HRH1: variants seen among roughly 807,000 people sequenced by gnomAD.
The protein encoded by HRH1 is histamine H1 receptor.
HRH1 carries 6 observed loss-of-function variants against 10.3 expected under a neutral mutation model. That is an observed-to-expected ratio of 0.58 (90% CI 0.32 to 1.15). The LOEUF is 1.15. Among genes scored for constraint, HRH1 ranks in the 50% most tolerant of loss-of-function variants. HRH1 has a pLI of 0.05. For missense variants in HRH1, 514 were observed against 615.3 expected, an observed-to-expected ratio of 0.84 and a Z score of 1.74; for synonymous variants, 242 against 236.7, an observed-to-expected ratio of 1.02 and a Z score of -0.21.
upstream of HRH1, among the ~76,000 whole-genome samples, chr3:11,153,819 C>T (rs765737597): frequency 4.6e-5 from 7 of 152,090 alleles, no homozygotes; most frequent in East Asian, 3.9e-4. Context: ...AAAACACATC[C>T]TATTTTGAAA....
intron 1 of HRH1, among the ~76,000 whole-genome samples, chr3:11,180,677 G>A (rs1391647730): frequency 6.6e-6 from 1 of 152,048 alleles, no homozygotes; most frequent in Non-Finnish European, 1.5e-5. Context: ...GCCTGTTGTG[G>A]ACATTTCATA....
intron 1 of HRH1, among the ~76,000 whole-genome samples, chr3:11,149,390 A>C (rs1440120631): frequency 6.6e-6 from 1 of 152,256 alleles, no homozygotes; most frequent in East Asian, 1.9e-4. Context: ...ACACAGGAAG[A>C]GACTTTTGCT....
chr3:11,193,977 T>C (rs905623159), intron 1 of HRH1, among the ~76,000 whole-genome samples: 1 of 152,238 alleles, frequency 6.6e-6, no homozygotes, highest in African/African-American at 2.4e-5. Context: ...GTTTTCTGCT[T>C]TGCAGAGGAG....
At chr3:11,190,234 G>C (rs988035744) in intron 1 of HRH1, among the ~76,000 whole-genome samples, 1 of 151,792 alleles carries the variant, frequency 6.6e-6, no homozygotes, top group African/African-American at 2.4e-5. Flanking sequence ...TGACTAGTCC[G>C]GGTGTGGTGG....
intron 1 of HRH1, among the ~76,000 whole-genome samples, chr3:11,238,796 G>T (rs1380698432): frequency 6.6e-6 from 1 of 152,160 alleles, no homozygotes; most frequent in South Asian, 2.1e-4. Flanking sequence ...GTTGCCTTTT[G>T]TGTCTGGCTT....
intron 1 of HRH1, among the ~76,000 whole-genome samples, chr3:11,168,313 G>A (rs78501160): frequency 0.025 from 3,822 of 152,192 alleles, 72 homozygotes; most frequent in Middle Eastern, 0.082. Context: ...AGGAGGACTC[G>A]GCTCTTGTTC....
chr3:11,140,270 G>A (rs1005659684), intron 1 of HRH1, among the ~76,000 whole-genome samples: 3 of 152,034 alleles, frequency 2.0e-5, no homozygotes, highest in African/African-American at 4.8e-5. Context: ...ATGAAACCCC[G>A]CCCCTCCCCC....
intron 1 of HRH1, among the ~76,000 whole-genome samples, chr3:11,228,911 C>CAA (rs10710059): frequency 1.7e-5 from 2 of 115,572 alleles, no homozygotes; most frequent in African/African-American, 3.2e-5. Context: ...GAGAGTATGT[C>CAA]AAAAAAAAAA....
chr3:11,261,516 G>A lies in HRH1; in HGVS notation c.*1015G>A, dbSNP rs951279150. On this transcript the variant is annotated 3_prime_UTR_variant, in exon 2 of 2. Transcript: ENST00000431010. ...AGATCCTCTGGGGTTTCAGCTTATT[G>A]TAGCATATTTTCTCCGAAAGGCAAA... The A allele has an allele frequency of 1.8e-5, 3 of 167,044 alleles. No homozygotes were observed. The highest frequency in any genetic ancestry group is 7.2e-5 in the African/African-American group (3 of 41,422). The allele number at this position is 167,044 out of a possible 1,614,324, so 10.3% of individuals were successfully genotyped here.
At chr3:11,254,539 G>A (rs1161455519) in intron 1 of HRH1, among the ~76,000 whole-genome samples, 6 of 152,150 alleles carry the variant, frequency 3.9e-5, no homozygotes, top group South Asian at 4.1e-4. Flanking sequence ...TTACCTGGTC[G>A]CCACAGTATC....
At chr3:11,195,228 TC>T (rs1354904453) in intron 1 of HRH1, among the ~76,000 whole-genome samples, 1 of 152,212 alleles carries the variant, frequency 6.6e-6, no homozygotes, top group Non-Finnish European at 1.5e-5. Context: ...GAGCAAAACA[TC>T]GTCAAAAGTG....
intron 1 of HRH1, among the ~76,000 whole-genome samples, chr3:11,168,342 G>T (rs979410888): frequency 6.6e-6 from 1 of 152,168 alleles, no homozygotes; most frequent in African/African-American, 2.4e-5. Context: ...CTGAGAGCCT[G>T]CAGGGTTCTC....
upstream of HRH1, among the ~76,000 whole-genome samples, chr3:11,150,547 C>T (rs1357358960): frequency 1.3e-5 from 2 of 152,378 alleles, no homozygotes; most frequent in South Asian, 2.1e-4. Flanking sequence ...AACGTAGTGA[C>T]ACTCATTTCT....
intron 1 of HRH1, among the ~76,000 whole-genome samples, chr3:11,181,834 T>C (rs996180193): frequency 1.3e-5 from 2 of 152,120 alleles, no homozygotes; most frequent in East Asian, 1.9e-4. Context: ...GGTTTCACCA[T>C]GTTAGCCAGG....
At position 11,262,188 on chromosome 3, in the gene HRH1, T is replaced by C. The variant is rs346070; in HGVS notation, c.*1687T>C. ...GTGCTAAACCACAATATGTATAGCA[T>C]ATGGAGTGCCTGTACAAGCTGATGT... On this transcript the variant is annotated 3_prime_UTR_variant, in exon 2 of 2. Coordinates refer to ENST00000431010, the MANE Select transcript of HRH1 (RefSeq NM_001098212.2). The C allele has an allele frequency of 0.86, 143,391 of 167,124 alleles. 61,706 individuals are homozygous for C. Among genetic ancestry groups the C allele is most frequent in the East Asian group, 1 (5,174 of 5,180 alleles). The allele number at this position is 167,124 out of a possible 1,614,324, so 10.4% of individuals were successfully genotyped here.
chr3:11,204,876 G>A (rs1575009771), intron 1 of HRH1, among the ~76,000 whole-genome samples: 1 of 152,194 alleles, frequency 6.6e-6, no homozygotes, highest in East Asian at 1.9e-4. Context: ...CCGCTGGGTA[G>A]CGCCTGGCCC....
intron 1 of HRH1, among the ~76,000 whole-genome samples, chr3:11,191,597 T>G (rs559316104): frequency 4.3e-4 from 65 of 152,348 alleles, no homozygotes; most frequent in African/African-American, 1.5e-3. Flanking sequence ...CTGACTGGGC[T>G]CTTTCTACGG....
At chr3:11,141,265 G>A (rs781375338) in intron 1 of HRH1, among the ~76,000 whole-genome samples, 1 of 152,128 alleles carries the variant, frequency 6.6e-6, no homozygotes, top group Non-Finnish European at 1.5e-5. Flanking sequence ...TTACTGGAAG[G>A]GTTAAATGAA....
At chr3:11,191,893 A>G (rs371056444) in intron 1 of HRH1, among the ~76,000 whole-genome samples, 11 of 152,298 alleles carry the variant, frequency 7.2e-5, no homozygotes, top group South Asian at 6.2e-4. Flanking sequence ...TGTATTTCCA[A>G]ACATCCCTAT....
Sources: gnomAD v4.1 joint callset for allele counts (sites outside exome capture counted in the v4.1 genomes callset) on GRCh38, gnomAD v4.1.1 for gene constraint, MANE v1.5 for transcripts, NCBI Gene and HGNC (gene_info 2026-07-23, HGNC 2026-07-21) for gene names.